Variants in EYA4 observed in about 807,000 individuals in gnomAD.
EYA4 encodes EYA transcriptional coactivator and phosphatase 4.
Under a neutral mutation model 87.9 loss-of-function variants are expected in EYA4, and 31 were observed. The ratio of observed to expected loss-of-function variants is 0.35; its 90% CI spans 0.27 to 0.48. The LOEUF is 0.48. Among genes scored for constraint, EYA4 ranks in the 20% least tolerant of loss-of-function variants. The pLI is 0.99. For synonymous variants in EYA4, 263 were observed against 270.6 expected, an observed-to-expected ratio of 0.97 and a Z score of 0.28; for missense variants, 678 against 761.4, an observed-to-expected ratio of 0.89 and a Z score of 1.29.
intron 17 of EYA4, among the ~76,000 whole-genome samples, chr6:133,522,563 C>T (rs1800278906): frequency 6.6e-6 from 1 of 152,028 alleles, no homozygotes. Context: ...CAGTTTTCTC[C>T]AGATGGTTAA....
intron 2 of EYA4, among the ~76,000 whole-genome samples, chr6:133,327,197 G>A (rs1781564518): frequency 6.6e-6 from 1 of 151,838 alleles, no homozygotes; most frequent in Admixed American, 6.6e-5. Flanking sequence ...GAGTGCAGTG[G>A]CATAGTCTTA....
chr6:133,463,700 G>A (rs75593700), intron 9 of EYA4, among the ~76,000 whole-genome samples: 8,970 of 152,078 alleles, frequency 0.059, 458 homozygotes, highest in East Asian at 0.22. Context: ...AAGAATTTTA[G>A]TGACATAGTA....
intron 3 of EYA4, among the ~76,000 whole-genome samples, chr6:133,415,591 G>T (rs1276021763): frequency 6.6e-6 from 1 of 152,122 alleles, no homozygotes; most frequent in African/African-American, 2.4e-5. Context: ...ATTGTACCCT[G>T]CCTCCTCATC....
intron 13 of EYA4, among the ~76,000 whole-genome samples, chr6:133,490,421 C>A (rs774525678): frequency 6.7e-6 from 1 of 150,176 alleles, no homozygotes. Context: ...CGTGACCCAG[C>A]GATCTCTTGC....
intron 3 of EYA4, among the ~76,000 whole-genome samples, chr6:133,384,584 G>C (rs1173348593): frequency 6.6e-6 from 1 of 152,162 alleles, no homozygotes; most frequent in Non-Finnish European, 1.5e-5. Context: ...AAGACCTAGA[G>C]TCATTTGTTG....
chr6:133,379,182 G>A (rs76837794), intron 2 of EYA4, among the ~76,000 whole-genome samples: 2,226 of 152,156 alleles, frequency 0.015, 48 homozygotes, highest in African/African-American at 0.049. Context: ...TGAGACAGGA[G>A]GATGGCTTAC....
chr6:133,266,748 T>G (rs1246006680), intron 1 of EYA4, among the ~76,000 whole-genome samples: 1 of 152,132 alleles, frequency 6.6e-6, no homozygotes, highest in Non-Finnish European at 1.5e-5. Context: ...GAGTCAGTTA[T>G]GTACCTGAAA....
chr6:133,427,041 GTC>G (rs975030322), intron 3 of EYA4, among the ~76,000 whole-genome samples: 1 of 152,120 alleles, frequency 6.6e-6, no homozygotes, highest in Non-Finnish European at 1.5e-5. Flanking sequence ...TGTCTGTATT[GTC>G]TGTAAAGGAA....
At chr6:133,498,861 A>C (rs1007892111) in intron 13 of EYA4, among the ~76,000 whole-genome samples, 2 of 152,116 alleles carry the variant, frequency 1.3e-5, no homozygotes, top group African/African-American at 4.8e-5. Flanking sequence ...CTTCGTGTTG[A>C]GTATATGTTT....
intron 2 of EYA4, among the ~76,000 whole-genome samples, chr6:133,279,500 TTGTA>T (rs1271112483): frequency 6.6e-6 from 1 of 152,158 alleles, no homozygotes; most frequent in African/African-American, 2.4e-5. Context: ...GCTATTCTAT[TTGTA>T]TTTATGAAAC....
chr6:133,523,082 C>T lies in EYA4; in HGVS notation c.1643C>T (p.Thr548Met), dbSNP rs1173190962. 6.2e-6 allele frequency: 10 copies of T among 1,611,858 alleles called. No individual in the cohort carries two copies. The highest frequency in any genetic ancestry group is 1.7e-5 in the Admixed American group (1 of 59,878). Residue 548 changes from threonine (T) to methionine (M), a missense_variant, in exon 18 of 20, where the codon ACG (threonine) becomes ATG (methionine). Physicochemically the swap from Thr to Met is moderately conservative, Grantham distance 81 (BLOSUM62 -1). Transcript: ENST00000355286. ...TRSNCINVLV[T>M]TTQLIPALAK... ...AGTAACTGCATAAATGTCTTGGTAA[C>T]GACAACTCAACTGATCCCAGCACTT...
At chr6:133,481,320 G>C (rs762006713) in intron 11 of EYA4, 143 bp from the exon 12 acceptor site, 3 of 770,556 alleles carry the variant, frequency 3.9e-6, no homozygotes, top group Admixed American at 2.1e-5. Context: ...TGACTGACTT[G>C]TGTGTGCTTG....
At chr6:133,421,052 A>G (rs1790177362) in intron 3 of EYA4, among the ~76,000 whole-genome samples, 1 of 152,196 alleles carries the variant, frequency 6.6e-6, no homozygotes, top group Non-Finnish European at 1.5e-5. Flanking sequence ...TTAAAGAATT[A>G]TTCTTCCCCC....
chr6:133,531,124 C>T lies in EYA4; in HGVS notation c.*2319C>T, dbSNP rs1800984847. ...GTCTGTGGGTGCAGAAAGAAACACC[C>T]CTTGGAAGGGCAAAGAGAAGCCGGC... On this transcript the variant is annotated 3_prime_UTR_variant, in exon 20 of 20. Coordinates refer to ENST00000355286, the MANE Select transcript of EYA4 (RefSeq NM_004100.5). The T allele has an allele frequency of 5.9e-6, 9 of 1,519,474 alleles. No homozygotes were observed. Among genetic ancestry groups the T allele is most frequent in the African/African-American group, 4.1e-5 (3 of 72,602 alleles). 94.1% of individuals were successfully genotyped at this position (1,519,474 alleles called of 1,614,324 possible).
chr6:133,478,479 C>T (rs1271379499), intron 11 of EYA4, among the ~76,000 whole-genome samples: 5 of 152,046 alleles, frequency 3.3e-5, no homozygotes, highest in Admixed American at 3.3e-4. Context: ...GTTCTAGCCA[C>T]ATTAAGGAAA....
chr6:133,372,769 TTAATC>T (rs1418406747), intron 2 of EYA4, among the ~76,000 whole-genome samples: 3 of 151,574 alleles, frequency 2.0e-5, no homozygotes, highest in Non-Finnish European at 4.4e-5. Context: ...TTTATATAAA[TTAATC>T]TACAGATATA....
Position 133,393,055 on chromosome 6 carries a change from G to A in EYA4, c.83+10614G>A, listed in dbSNP as rs547812372. ...TCACAGGGGTAATTAGAATGTTGTC[G>A]ATTGAGGGCAACAACCATCTCTGAG... On this transcript the variant is annotated intron_variant, in intron 3 of 19. Coordinates refer to ENST00000355286, the MANE Select transcript of EYA4 (RefSeq NM_004100.5). Among the ~76,000 whole-genome samples, 6 of 152,268 alleles carry A rather than the reference G, an allele frequency of 3.9e-5. No homozygotes were observed. The South Asian group carries it at 1.0e-3, about 26-fold the overall frequency.
intron 14 of EYA4, 65 bp from the exon 15 acceptor site, chr6:133,512,656 A>C: frequency 1.6e-6 from 2 of 1,287,572 alleles, no homozygotes; most frequent in East Asian, 4.6e-5. Flanking sequence ...GAAGATGGGA[A>C]AACCTTCAAG....
chr6:133,492,064 C>T (rs945173710), intron 13 of EYA4, among the ~76,000 whole-genome samples: 3 of 151,064 alleles, frequency 2.0e-5, no homozygotes, highest in African/African-American at 7.3e-5. Context: ...CCTGCCCAAA[C>T]TATTCCAGAA....
Sources: allele counts gnomAD v4.1 joint callset (sites outside exome capture counted in the v4.1 genomes callset), GRCh38; gene constraint gnomAD v4.1.1; transcripts MANE v1.5; gene names NCBI Gene and HGNC (gene_info 2026-07-23, HGNC 2026-07-21).